Variants in MIA2 observed in about 807,000 individuals in gnomAD.
MIA2 encodes the protein melanoma inhibitory activity protein 2.
Under a neutral mutation model 167.8 loss-of-function variants are expected in MIA2, and 127 were observed. The ratio of observed to expected loss-of-function variants is 0.76; its 90% CI spans 0.66 to 0.88. The LOEUF is 0.88. Among genes scored for constraint, MIA2 ranks in the 40% least tolerant of loss-of-function variants. MIA2 has a pLI of 0.00. For synonymous variants in MIA2, 552 were observed against 541.9 expected, an observed-to-expected ratio of 1.02 and a Z score of -0.26; for missense variants, 1,690 against 1,624.7, an observed-to-expected ratio of 1.04 and a Z score of -0.69.
intron 13 of MIA2, among the ~76,000 whole-genome samples, chr14:39,296,610 T>C (rs1427826968): frequency 8.1e-5 from 12 of 148,810 alleles, no homozygotes; most frequent in East Asian, 7.8e-4. Flanking sequence ...CTTTTCTTTT[T>C]TTTTTTTTTT....
intron 2 of MIA2, among the ~76,000 whole-genome samples, chr14:39,237,802 C>T (rs1364929759): frequency 2.0e-5 from 3 of 152,138 alleles, no homozygotes; most frequent in Non-Finnish European, 2.9e-5. Context: ...TGCAGTGGCG[C>T]GATCTCTGCT....
At chr14:39,257,267 T>C (rs1227117055) in intron 6 of MIA2, among the ~76,000 whole-genome samples, 1 of 152,224 alleles carries the variant, frequency 6.6e-6, no homozygotes, top group Non-Finnish European at 1.5e-5. Context: ...ATCTGAGTGC[T>C]CCTGTATCGG....
chr14:39,257,446 C>T (rs2054871095), intron 6 of MIA2, among the ~76,000 whole-genome samples: 1 of 152,006 alleles, frequency 6.6e-6, no homozygotes, highest in South Asian at 2.1e-4. Context: ...GTAAATCTTC[C>T]TCCATCCCTT....
chr14:39,386,616 C>CTT, intron 23 of MIA2: 2 of 1,015,560 alleles, frequency 2.0e-6, no homozygotes, highest in Non-Finnish European at 2.9e-6. Context: ...TCTTTTTTTT[C>CTT]TTTTTTTTTG....
At chr14:39,332,208 A>C (rs558995485) in intron 25 of MIA2, among the ~76,000 whole-genome samples, 1 of 152,284 alleles carries the variant, frequency 6.6e-6, no homozygotes, top group African/African-American at 2.4e-5. Context: ...AATCTCTGAT[A>C]TCCTTTCTTC....
rs149263535 is a variant in MIA2 at position 39,384,263 on chromosome 14, A to G, written c.2249-2622A>G. ...TGCTCTGCCTGTGCTCCATAAATGG[A>G]ACAACAAAGTGTGGATGTCAGCACG... On this transcript the variant is annotated intron_variant, in intron 23 of 23. Coordinates refer to the MIA2 transcript ENST00000341502. 3.3e-3 allele frequency among the ~76,000 whole-genome samples: 500 copies of G among 152,326 alleles called. 3 individuals are homozygous for G. Among genetic ancestry groups the G allele is most frequent in the African/African-American group, 0.011 (476 of 41,580 alleles).
Position 39,318,015 on chromosome 14 carries a change from AG to A in MIA2, c.3284+5del, listed in dbSNP as rs1386225293. 1.9e-6 allele frequency: 3 copies of A among 1,563,694 alleles called. No homozygotes were observed. In the African/African-American group the frequency reaches 4.2e-5, roughly 22 times the overall value. On this transcript the variant is annotated splice_donor_5th_base_variant and intron_variant, in intron 22 of 28. Coordinates refer to ENST00000640607, the MANE Select transcript of MIA2 (RefSeq NM_001329214.4). ...AAAATGCTCACAACAGACAAAAGTAAGTATCTTAGTGGGAACATTTAAAATT... is the reference window on the plus strand; with the variant it reads ...AAAATGCTCACAACAGACAAAAGTAATATCTTAGTGGGAACATTTAAAATT...
chr14:39,325,356 T>C (rs2067276682), intron 24 of MIA2, among the ~76,000 whole-genome samples: 1 of 151,690 alleles, frequency 6.6e-6, no homozygotes, highest in Non-Finnish European at 1.5e-5. Context: ...TATATTTTAT[T>C]GAATGTTAAA....
intron 23 of MIA2, among the ~76,000 whole-genome samples, chr14:39,364,121 A>T (rs2074763198): frequency 6.6e-6 from 1 of 152,120 alleles, no homozygotes; most frequent in South Asian, 2.1e-4. Flanking sequence ...GCACTTTGGG[A>T]GTCTGAGGAG....
intron 23 of MIA2, chr14:39,386,873 C>T: frequency 2.4e-6 from 2 of 843,934 alleles, no homozygotes; most frequent in East Asian, 4.9e-5. Context: ...GGCGGTCGTT[C>T]TCTCTCACCA....
rs777783414 is a variant in MIA2, at chr14:39,247,259, T to C, written c.685T>C (p.Leu229=). ...AVSGVKEWFG[L]GGEQAEEKAF... ...GTCTGGAGTCAAAGAATGGTTTGGA[T>C]TGGGAGGAGAACAAGCTGAAGAGAA... Residue 229 remains leucine, a synonymous_variant, in exon 4 of 29, where the codon TTG becomes CTG. Coordinates refer to ENST00000640607, the MANE Select transcript of MIA2 (RefSeq NM_001329214.4). 1.2e-5 allele frequency: 20 copies of C among 1,613,812 alleles called. No homozygotes were observed. Among genetic ancestry groups the C allele is most frequent in the Non-Finnish European group, 1.7e-5 (20 of 1,179,986 alleles).
chr14:39,386,181 T>C, intron 23 of MIA2: 1 of 1,391,732 alleles, frequency 7.2e-7, no homozygotes, highest in Admixed American at 1.7e-5. Flanking sequence ...GTCTTGCCCT[T>C]GCTGGGGGTA....
chr14:39,294,093 G>A (rs1471867392), intron 12 of MIA2, 22 bp downstream of exon 12: 4 of 1,513,162 alleles, frequency 2.6e-6, no homozygotes, highest in Middle Eastern at 1.7e-4. Flanking sequence ...TAGTCTAGTA[G>A]GTCTGTTGCT....
intron 25 of MIA2, among the ~76,000 whole-genome samples, chr14:39,343,911 G>A (rs910560590): frequency 6.6e-6 from 1 of 151,940 alleles, no homozygotes; most frequent in Non-Finnish European, 1.5e-5. Flanking sequence ...TTTCTTTCAG[G>A]GCAAGCTTTA....
At chr14:39,382,953 G>GTTTTTT (rs10689511) in intron 23 of MIA2, among the ~76,000 whole-genome samples, 33 of 75,026 alleles carry the variant, frequency 4.4e-4, no homozygotes, top group Non-Finnish European at 5.5e-4. Context: ...TATGGCCACA[G>GTTTTTT]TTTTTTTTTT....
At chr14:39,294,884 A>T in intron 12 of MIA2, 41 bp from the exon 13 acceptor site, 1 of 1,323,258 alleles carries the variant, frequency 7.6e-7, no homozygotes, top group Non-Finnish European at 1.1e-6. Context: ...GCTATGTATT[A>T]AATTAATTGT....
Position 39,386,925 on chromosome 14 carries a change from T to C in MIA2, c.2289T>C (p.Gly763=), listed in dbSNP as rs763743028. Residue 763 remains glycine (G), a synonymous_variant, in exon 24 of 24, where the codon GGT becomes GGC. Transcript: ENST00000341502. ...CCGGGGCAGGAGCCCCGGCTTCAGGTAGGGGCCTAGGAGGGCCCCAGAAAT... is the reference window on the plus strand; with the variant it reads ...CCGGGGCAGGAGCCCCGGCTTCAGGCAGGGGCCTAGGAGGGCCCCAGAAAT... 6 of 772,054 alleles carry C rather than the reference T, an allele frequency of 7.8e-6. No individual in the cohort carries two copies. In the African/African-American group the frequency reaches 8.8e-5, roughly 11 times the overall value. The allele number at this position is 772,054 out of a possible 1,614,324, so 47.8% of individuals were successfully genotyped here. A position where few individuals can be genotyped will look rare whatever the true frequency, so the allele number is the denominator to read the frequency against.
At chr14:39,255,954 A>G (rs979425783) in intron 6 of MIA2, among the ~76,000 whole-genome samples, 4 of 152,236 alleles carry the variant, frequency 2.6e-5, no homozygotes, top group Non-Finnish European at 4.4e-5. Context: ...GAAAATTCCA[A>G]TAACAGAAGC....
At chr14:39,293,246 T>G in intron 10 of MIA2, 25 bp from the exon 11 acceptor site, 1 of 1,457,276 alleles carries the variant, frequency 6.9e-7, no homozygotes, top group Non-Finnish European at 9.6e-7. Context: ...TATATCTGTT[T>G]AATAAAGTTG....
Sources: allele counts gnomAD v4.1 joint callset (sites outside exome capture counted in the v4.1 genomes callset), GRCh38; gene constraint gnomAD v4.1.1; transcripts MANE v1.5; gene names NCBI Gene and HGNC (gene_info 2026-07-23, HGNC 2026-07-21).